The following DHTKD1 variants were observed in gnomAD, a reference collection of about 807,000 sequenced individuals.
DHTKD1 encodes the protein 2-oxoadipate dehydrogenase complex component E1.
A neutral mutation model predicts 101.8 loss-of-function variants in DHTKD1; 78 were observed. The ratio of observed to expected loss-of-function variants is 0.77; its 90% CI spans 0.64 to 0.93. The LOEUF (loss-of-function observed/expected upper bound fraction) is 0.93, where lower values mean the gene tolerates loss of function less well. DHTKD1 is among the 40% of genes least tolerant of loss of function. DHTKD1 has a pLI of 0.00. For missense variants in DHTKD1, 1,223 were observed against 1,161.7 expected, an observed-to-expected ratio of 1.05 and a Z score of -0.77; for synonymous variants, 462 against 450.3, an observed-to-expected ratio of 1.03 and a Z score of -0.33.
intron 1 of DHTKD1, among the ~76,000 whole-genome samples, chr10:12,081,115 A>G (rs992195026): frequency 6.6e-6 from 1 of 151,908 alleles, no homozygotes; most frequent in African/African-American, 2.4e-5. Context: ...CCTGCCTAAC[A>G]TGGTGAAACC....
At chr10:12,114,930 G>A (rs1396419565) in intron 13 of DHTKD1, among the ~76,000 whole-genome samples, 2 of 151,950 alleles carry the variant, frequency 1.3e-5, no homozygotes, top group East Asian at 3.9e-4. Context: ...TGAGTAGTTG[G>A]GACCACAGGC....
intron 7 of DHTKD1, among the ~76,000 whole-genome samples, chr10:12,097,237 A>C (rs780870283): frequency 6.6e-6 from 1 of 151,824 alleles, no homozygotes; most frequent in African/African-American, 2.4e-5. Flanking sequence ...ATTTTTCCTG[A>C]ATGCCTTTTT....
intron 16 of DHTKD1, chr10:12,120,509 TG>T (rs1373997907): frequency 2.1e-5 from 11 of 518,120 alleles, no homozygotes; most frequent in Non-Finnish European, 3.5e-5. Flanking sequence ...AAATTTTTTT[TG>T]TATTTTTAGT....
At chr10:12,118,216 G>C (rs1214837187) in intron 14 of DHTKD1, among the ~76,000 whole-genome samples, 1 of 151,682 alleles carries the variant, frequency 6.6e-6, no homozygotes, top group Non-Finnish European at 1.5e-5. Context: ...CTTTAAGTCA[G>C]TGGAGTATGA....
At chr10:12,083,475 C>A (rs1832853548) in intron 2 of DHTKD1, among the ~76,000 whole-genome samples, 1 of 152,188 alleles carries the variant, frequency 6.6e-6, no homozygotes, top group Non-Finnish European at 1.5e-5. Flanking sequence ...TGGCTTATGC[C>A]TGTAATCTCA....
chr10:12,078,483 G>C (rs535305435), intron 1 of DHTKD1, among the ~76,000 whole-genome samples: 1 of 151,752 alleles, frequency 6.6e-6, no homozygotes, highest in South Asian at 2.1e-4. Flanking sequence ...ATGGCGGCAC[G>C]CACCTGCAAC....
chr10:12,103,377 G>A lies in DHTKD1; in HGVS notation c.1896+2196G>A, dbSNP rs968542160. Among the ~76,000 whole-genome samples the A allele has an allele frequency of 3.3e-5, 5 of 152,090 alleles. No individual in the cohort carries two copies. Among genetic ancestry groups the A allele is most frequent in the African/African-American group, 1.2e-4 (5 of 41,406 alleles). On this transcript the variant is annotated intron_variant, in intron 10 of 16. Transcript: ENST00000263035. This position sits in a 1 kb window ranked among gnomAD's most constrained non-coding sequence, Gnocchi z 4.8. Reference sequence around the variant, plus strand: ...TAGTATTGAATTTTGTAACTGACCAGCATTCCCTTATCAATAATGGCTTCT... The same window carrying A: ...TAGTATTGAATTTTGTAACTGACCAACATTCCCTTATCAATAATGGCTTCT...
chr10:12,116,591 A>G (rs772893333), intron 13 of DHTKD1, among the ~76,000 whole-genome samples: 2 of 151,604 alleles, frequency 1.3e-5, no homozygotes, highest in African/African-American at 2.4e-5. Context: ...GGGTTTCACC[A>G]TGTTGGCCAG....
At chr10:12,081,657 C>A (rs754265170) in intron 2 of DHTKD1, 30 bp downstream of exon 2, 5 of 1,613,076 alleles carry the variant, frequency 3.1e-6, no homozygotes, top group Non-Finnish European at 4.2e-6. Context: ...GGCGGGAGCT[C>A]GGAGCTGCAC....
Position 12,106,266 on chromosome 10 carries a change from A to G in DHTKD1, c.1917A>G (p.Ser639=). ...GFLEVSNSPL[S]EEAVLGFEYG... ...ATTAGGTCAGCAACAGCCCACTGTC[A>G]GAAGAGGCCGTCCTGGGATTTGAAT... Residue 639 remains serine, a synonymous_variant, in exon 11 of 17, where the codon TCA becomes TCG. Coordinates refer to ENST00000263035, the MANE Select transcript of DHTKD1 (RefSeq NM_018706.7). 1.2e-6 allele frequency: 2 copies of G among 1,614,130 alleles called. No individual in the cohort carries two copies. The highest frequency in any genetic ancestry group is 2.2e-5 in the South Asian group (2 of 91,082).
chr10:12,116,535 C>T (rs1766174174), intron 13 of DHTKD1, among the ~76,000 whole-genome samples: 1 of 151,884 alleles, frequency 6.6e-6, no homozygotes, highest in African/African-American at 2.4e-5. Context: ...GGATTACAGG[C>T]ATGCACCACC....
In DHTKD1 at chr10:12,123,210, T is replaced by A. The variant is rs934373867; in HGVS notation, c.*2322T>A. On this transcript the variant is annotated 3_prime_UTR_variant, in exon 17 of 17. Transcript: ENST00000263035. ...CAAGAAAAAAAATAAAAGCACATTG[T>A]CATTTTTTTTCCTCAGGACTCCTGG... is the stretch of plus-strand genomic sequence containing the variant. 3.3e-5 allele frequency: 5 copies of A among 152,182 alleles called. No individual in the cohort carries two copies. Among genetic ancestry groups the A allele is most frequent in the Admixed American group, 2.6e-4 (4 of 15,272 alleles). 9.4% of individuals were successfully genotyped at this position (152,182 alleles called of 1,614,324 possible).
At position 12,081,637 on chromosome 10, in the gene DHTKD1, C is replaced by T; in HGVS notation, c.310+10C>T. ...CCCTTCCACACGGCAGGTATGGCTT[C>T]TGCACAGCAGGCGGGAGCTCGGAGC... On this transcript the variant is annotated intron_variant, in intron 2 of 16. Transcript: ENST00000263035. The T allele has an allele frequency of 6.2e-7, 1 of 1,614,026 alleles. No individual in the cohort carries two copies. The highest frequency in any genetic ancestry group is 8.5e-7 in the Non-Finnish European group (1 of 1,179,974).
rs143606888 is a variant in DHTKD1 at position 12,087,713 on chromosome 10, T to G, written c.701T>G (p.Leu234Arg). 87 of 1,603,698 alleles carry G rather than the reference T, an allele frequency of 5.4e-5. No homozygotes were observed. The highest frequency in any genetic ancestry group is 2.2e-4 in the Admixed American group (13 of 58,290). ...AGGCTGAATTTATTGACAGGCCTTC[T>G]GCAGTTCCCTCCAGAGGTAAGGTTA... is the stretch of plus-strand genomic sequence containing the variant. ...RGRLNLLTGLLQFPPELMFRK... is the reference protein window; with the variant it reads ...RGRLNLLTGLRQFPPELMFRK... Residue 234 changes from leucine (L) to arginine (R), a missense_variant, in exon 4 of 17, where the codon CTG becomes CGG. Coordinates refer to ENST00000263035, the MANE Select transcript of DHTKD1 (RefSeq NM_018706.7). This position sits in a 1 kb window ranked among gnomAD's most constrained non-coding sequence, Gnocchi z 5.2.
intron 12 of DHTKD1, among the ~76,000 whole-genome samples, chr10:12,108,988 CT>C (rs1293123536): frequency 2.4e-4 from 37 of 152,098 alleles, no homozygotes; most frequent in African/African-American, 7.7e-4. Flanking sequence ...CCCATCTTTA[CT>C]AAAAATACAA....
intron 13 of DHTKD1, among the ~76,000 whole-genome samples, chr10:12,114,973 T>G (rs1833392822): frequency 6.6e-6 from 1 of 152,108 alleles, no homozygotes; most frequent in Admixed American, 6.5e-5. Flanking sequence ...TTTTTTGTAT[T>G]TTTAGTGGAG....
intron 2 of DHTKD1, among the ~76,000 whole-genome samples, chr10:12,082,661 C>G (rs1325321151): frequency 6.6e-6 from 1 of 151,278 alleles, no homozygotes; most frequent in Non-Finnish European, 1.5e-5. Context: ...TTTCTTGAGC[C>G]TCTGCAGAAA....
At chr10:12,077,290 C>T (rs1588601856) in intron 1 of DHTKD1, among the ~76,000 whole-genome samples, 1 of 151,494 alleles carries the variant, frequency 6.6e-6, no homozygotes, top group East Asian at 1.9e-4. Context: ...TGCAATGGCA[C>T]AACCTCGGAT....
intron 6 of DHTKD1, 127 bp from the exon 7 acceptor site, chr10:12,093,946 T>C (rs1232261240): frequency 1.3e-6 from 1 of 792,756 alleles, no homozygotes; most frequent in African/African-American, 1.7e-5. Flanking sequence ...AAAGCTGGGG[T>C]TGTTAACCAA....
Sources: gnomAD v4.1 joint callset for allele counts (sites outside exome capture counted in the v4.1 genomes callset) on GRCh38, gnomAD v4.1.1 for gene constraint, Gnocchi (gnomAD v3.1) non-coding constraint, MANE v1.5 for transcripts, NCBI Gene and HGNC (gene_info 2026-07-23, HGNC 2026-07-21) for gene names.